The following UST variants were observed in gnomAD, a reference collection of about 807,000 sequenced individuals.
UST encodes the protein uronyl 2-sulfotransferase.
A neutral mutation model predicts 45.6 loss-of-function variants in UST; 21 were observed. The observed-to-expected ratio is 0.46, with a 90% CI of 0.33 to 0.66. UST has a LOEUF of 0.66. UST is among the 30% of genes least tolerant of loss of function. UST has a pLI of 0.02. For synonymous variants in UST, 215 were observed against 200.6 expected, an observed-to-expected ratio of 1.07 and a Z score of -0.61; for missense variants, 463 against 512.4, an observed-to-expected ratio of 0.90 and a Z score of 0.93.
At chr6:149,001,718 G>A (rs1781553580) in intron 5 of UST, among the ~76,000 whole-genome samples, 1 of 152,100 alleles carries the variant, frequency 6.6e-6, no homozygotes, top group Non-Finnish European at 1.5e-5. Context: ...GAATTATGGG[G>A]GAAATTAAGG....
chr6:148,840,198 C>A (rs1347318858), intron 1 of UST, among the ~76,000 whole-genome samples: 1 of 152,164 alleles, frequency 6.6e-6, no homozygotes, highest in Non-Finnish European at 1.5e-5. Flanking sequence ...CCTCTAGGAT[C>A]CTGGGATGGA....
At chr6:148,821,479 T>A (rs938838359) in intron 1 of UST, among the ~76,000 whole-genome samples, 1 of 152,204 alleles carries the variant, frequency 6.6e-6, no homozygotes, top group African/African-American at 2.4e-5. Flanking sequence ...GTATTAACTT[T>A]TATCACTTCA....
chr6:148,763,723 A>G (rs528236771), intron 1 of UST, among the ~76,000 whole-genome samples: 15 of 152,172 alleles, frequency 9.9e-5, no homozygotes, highest in African/African-American at 3.4e-4. Flanking sequence ...TGGCTGTCCA[A>G]TTTTTCCAGC....
At chr6:148,822,188 C>A (rs1777480113) in intron 1 of UST, among the ~76,000 whole-genome samples, 1 of 152,154 alleles carries the variant, frequency 6.6e-6, no homozygotes, top group Non-Finnish European at 1.5e-5. Context: ...TGAGTGTATA[C>A]ACGTGCACAC....
At chr6:148,824,769 G>A (rs556449247) in intron 1 of UST, among the ~76,000 whole-genome samples, 189 of 143,102 alleles carry the variant, frequency 1.3e-3, no homozygotes, top group Non-Finnish European at 2.3e-3. Context: ...ATGCTGGTGC[G>A]CTGCACCCAC....
Position 148,939,296 on chromosome 6 carries a change from C to T in UST, c.292-1983C>T, listed in dbSNP as rs116673764. On this transcript the variant is annotated intron_variant, in intron 2 of 7. Coordinates refer to ENST00000367463, the MANE Select transcript of UST (RefSeq NM_005715.3). Reference sequence around the variant, plus strand: ...ATCAAATTTATCTACAGATTCAATGCAGTCCTTATCATAATCTCAACTACT... The same window carrying T: ...ATCAAATTTATCTACAGATTCAATGTAGTCCTTATCATAATCTCAACTACT... Among the ~76,000 whole-genome samples the T allele has an allele frequency of 4.4e-3, 668 of 152,302 alleles. 4 individuals carry two copies. Among genetic ancestry groups the T allele is most frequent in the African/African-American group, 0.015 (638 of 41,574 alleles).
intron 1 of UST, among the ~76,000 whole-genome samples, chr6:148,768,648 T>TA (rs748423650): frequency 1.6e-4 from 24 of 152,244 alleles, no homozygotes; most frequent in Non-Finnish European, 3.2e-4. Context: ...AACTCAATGA[T>TA]ACTGCATGTC....
chr6:148,830,189 G>A (rs1348174530), intron 1 of UST, among the ~76,000 whole-genome samples: 1 of 152,270 alleles, frequency 6.6e-6, no homozygotes, highest in African/African-American at 2.4e-5. Flanking sequence ...ACATGAGGAG[G>A]TGCTTTGTAG....
chr6:148,964,757 C>T, intron 5 of UST, 194 bp downstream of exon 5: 2 of 645,918 alleles, frequency 3.1e-6, no homozygotes, highest in Non-Finnish European at 5.2e-6. Flanking sequence ...TCCTAATGAA[C>T]ATTTCCTCAA....
intron 5 of UST, among the ~76,000 whole-genome samples, chr6:148,974,913 G>A (rs377149166): frequency 9.2e-5 from 14 of 152,252 alleles, no homozygotes; most frequent in South Asian, 4.2e-4. Flanking sequence ...CTGCTGTCCC[G>A]TTACCCTCTG....
intron 1 of UST, among the ~76,000 whole-genome samples, chr6:148,864,667 A>G (rs1778390799): frequency 6.6e-6 from 1 of 152,218 alleles, no homozygotes; most frequent in African/African-American, 2.4e-5. Context: ...AATCAAGTTG[A>G]CGCTCAATAT....
intron 2 of UST, among the ~76,000 whole-genome samples, chr6:148,897,470 A>T (rs901392699): frequency 1.4e-5 from 2 of 145,330 alleles, no homozygotes; most frequent in Admixed American, 6.9e-5. Context: ...TTGAGCCACC[A>T]GGCCCAGCCT....
intron 5 of UST, among the ~76,000 whole-genome samples, chr6:149,016,236 A>C (rs998967238): frequency 1.3e-5 from 2 of 152,250 alleles, no homozygotes; most frequent in African/African-American, 2.4e-5. Context: ...CTGCACTTTT[A>C]AAACTAGGAA....
intron 2 of UST, among the ~76,000 whole-genome samples, chr6:148,910,705 T>G (rs918604112): frequency 1.3e-5 from 2 of 152,206 alleles, no homozygotes; most frequent in African/African-American, 4.8e-5. Context: ...AGGTATGAGT[T>G]AGGTGTGCAA....
intron 5 of UST, among the ~76,000 whole-genome samples, chr6:148,965,053 G>A: frequency 6.6e-6 from 1 of 152,128 alleles, no homozygotes; most frequent in Non-Finnish European, 1.5e-5. Flanking sequence ...GCGCAACTGC[G>A]ACCGACTGTT....
chr6:148,921,385 G>T (rs1779702522), intron 2 of UST, among the ~76,000 whole-genome samples: 1 of 152,190 alleles, frequency 6.6e-6, no homozygotes, highest in Admixed American at 6.5e-5. Context: ...TGAGTGTTTG[G>T]GTCCAACAGC....
intron 1 of UST, among the ~76,000 whole-genome samples, chr6:148,791,063 T>C (rs781528692): frequency 2.8e-4 from 42 of 152,236 alleles, no homozygotes; most frequent in Non-Finnish European, 4.8e-4. Flanking sequence ...TTCAGTGCTT[T>C]TCTGACTCCA....
intron 1 of UST, among the ~76,000 whole-genome samples, chr6:148,759,975 A>G (rs942355806): frequency 6.6e-6 from 1 of 151,942 alleles, no homozygotes; most frequent in Non-Finnish European, 1.5e-5. Context: ...TCTTCAAATC[A>G]TGTGCTGAAA....
Position 148,765,017 on chromosome 6 carries a change from C to T in UST, c.247+17340C>T, listed in dbSNP as rs571585706. Among the ~76,000 whole-genome samples, 43 of 152,260 alleles carry T rather than the reference C, an allele frequency of 2.8e-4. No individual in the cohort carries two copies. In the East Asian group the frequency reaches 4.0e-3, roughly 14 times the overall value. On this transcript the variant is annotated intron_variant, in intron 1 of 7. Coordinates refer to ENST00000367463, the MANE Select transcript of UST (RefSeq NM_005715.3). ...CCCTAGGAATGCATTCTTTTCCCAA[C>T]GCTGTTAATTATTAATATTCCTTAC...
Sources: allele counts gnomAD v4.1 joint callset (sites outside exome capture counted in the v4.1 genomes callset), GRCh38; gene constraint gnomAD v4.1.1; transcripts MANE v1.5; gene names NCBI Gene and HGNC (gene_info 2026-07-23, HGNC 2026-07-21).